The following ETV7 variants were observed in gnomAD, a reference collection of about 807,000 sequenced individuals.
The protein encoded by ETV7 is transcription factor ETV7.
ETV7 carries 43 observed loss-of-function variants against 39.1 expected under a neutral mutation model. The observed-to-expected ratio is 1.10, with a 90% CI of 0.86 to 1.42. The LOEUF is 1.42. Among genes scored for constraint, ETV7 ranks in the 40% most tolerant of loss-of-function variants. The pLI, the probability that ETV7 is intolerant of heterozygous loss-of-function variation, is 0.00. For synonymous variants in ETV7, 196 were observed against 176.6 expected (o/e 1.11, Z -0.87); for missense variants, 432 against 442.3 (o/e 0.98, Z 0.21).
chr6:36,370,231 G>A (rs1467861330), intron 5 of ETV7, among the ~76,000 whole-genome samples: 1 of 152,082 alleles, frequency 6.6e-6, no homozygotes, highest in Non-Finnish European at 1.5e-5. Context: ...GAAGAGCCAG[G>A]GTGGAAAAAA....
chr6:36,386,820 G>C (rs1385074340), intron 1 of ETV7: 1 of 152,646 alleles, frequency 6.6e-6, no homozygotes, highest in Non-Finnish European at 1.5e-5. Context: ...CTCCTGGTGG[G>C]GAAAGGGAAG....
At chr6:36,379,429 T>C (rs973367012) in intron 2 of ETV7, among the ~76,000 whole-genome samples, 10 of 151,766 alleles carry the variant, frequency 6.6e-5, no homozygotes, top group Non-Finnish European at 1.5e-4. Context: ...TGCATGCTTA[T>C]AGTCTCAGCT....
At position 36,366,690 on chromosome 6, in the gene ETV7, C is replaced by T; in HGVS notation, c.981G>A (p.Gln327=). The change falls in exon 8 of 8, where the codon CAG becomes CAA. Residue 327 remains glutamine, a synonymous_variant. Transcript: ENST00000340181. ...SHLEPLESQE[Q]DRIEFKDKRP... is the part of the protein sequence containing the mutation. ...TCTTGTCCTTGAACTCTATTCTGTCCTGCTCCTGGCTCTCCAGCGGCTCCA... is the reference window on the plus strand; with the variant it reads ...TCTTGTCCTTGAACTCTATTCTGTCTTGCTCCTGGCTCTCCAGCGGCTCCA... 6.2e-7 allele frequency: 1 copy of T among 1,614,164 alleles called. No individual in the cohort carries two copies. The highest frequency in any genetic ancestry group is 1.6e-4 in the Middle Eastern group (1 of 6,062).
At chr6:36,368,843 T>C in intron 6 of ETV7, 86 bp downstream of exon 6, 6 of 1,559,956 alleles carry the variant, frequency 3.8e-6, no homozygotes, top group Non-Finnish European at 5.3e-6. Context: ...AGCTGAGGAT[T>C]GTCCCATAGT....
chr6:36,386,376 A>G (rs1006516471), intron 1 of ETV7, among the ~76,000 whole-genome samples: 1 of 152,198 alleles, frequency 6.6e-6, no homozygotes, highest in Non-Finnish European at 1.5e-5. Context: ...GGATAAGGAT[A>G]CATTTCTGAA....
At chr6:36,362,257 G>A (rs543765987), downstream of ETV7, among the ~76,000 whole-genome samples, 1 of 151,686 alleles carries the variant, frequency 6.6e-6, no homozygotes, top group Non-Finnish European at 1.5e-5. Flanking sequence ...AGCCGAGATC[G>A]CGCCACTGCA....
intron 2 of ETV7, among the ~76,000 whole-genome samples, chr6:36,380,255 A>T (rs1344789743): frequency 6.6e-6 from 1 of 151,964 alleles, no homozygotes. Flanking sequence ...CCCCTTCCCA[A>T]TGTAAGGTGA....
In ETV7 at chr6:36,372,256, A is replaced by G. The variant is rs561049298; in HGVS notation, c.434-696T>C. Reference sequence around the variant, plus strand: ...GTAAGTGCAAAGGCCCTGGGGCAGGAGCATCTCAGACTTGTCCAGTGAACA... The same window carrying G: ...GTAAGTGCAAAGGCCCTGGGGCAGGGGCATCTCAGACTTGTCCAGTGAACA... On this transcript the variant is annotated intron_variant, in intron 4 of 7. Transcript: ENST00000340181. 1.4e-3 allele frequency among the ~76,000 whole-genome samples: 209 copies of G among 152,238 alleles called. 1 individual carries two copies. The highest frequency in any genetic ancestry group is 6.8e-3 in the Middle Eastern group (2 of 294).
rs1157706338 is a variant in ETV7 at position 36,373,428 on chromosome 6, C to T, written c.433+25G>A. On this transcript the variant is annotated intron_variant, in intron 4 of 7. Transcript: ENST00000340181. ...TGAGGCTGATTTGAGGGAGGTACTC[C>T]GAGCACCACAGAGAGCTTCCTCACC... 30 of 1,510,404 alleles carry T rather than the reference C, an allele frequency of 2.0e-5. No individual in the cohort carries two copies. In the East Asian group the frequency reaches 4.4e-4, roughly 22 times the overall value. The allele number at this position is 1,510,404 out of a possible 1,614,324, so 93.6% of individuals were successfully genotyped here. A position where few individuals can be genotyped will look rare whatever the true frequency, so the allele number is the denominator to read the frequency against.
At chr6:36,359,664 ATTTG>A (rs375117610) in intron 7 of ETV7, among the ~76,000 whole-genome samples, 6 of 152,086 alleles carry the variant, frequency 3.9e-5, no homozygotes, top group African/African-American at 1.2e-4. Context: ...TTCTGTATTG[ATTTG>A]TTTATTTATC....
chr6:36,373,500 A>G lies in ETV7; in HGVS notation c.386T>C (p.Ile129Thr), dbSNP rs1384186263. The G allele has an allele frequency of 3.2e-6, 5 of 1,572,228 alleles. No homozygotes were observed. Among genetic ancestry groups the G allele is most frequent in the Non-Finnish European group, 3.4e-6 (4 of 1,160,558 alleles). ...CTGGGTGGGCGTCTTCAGCCTGAAG[A>G]TCCCTCCAAAAAAGGGCCCACACAC... ...ALVCGPFFGG[I>T]FRLKTPTQHS... Residue 129 changes from isoleucine to threonine, a missense_variant, in exon 4 of 8, where the codon ATC becomes ACC. Transcript: ENST00000340181.
downstream of ETV7, among the ~76,000 whole-genome samples, chr6:36,366,025 T>C (rs756721896): frequency 6.6e-6 from 1 of 151,992 alleles, no homozygotes; most frequent in Admixed American, 6.6e-5. Context: ...AATACAAAAA[T>C]TAGCCGGGTG....
Position 36,366,616 on chromosome 6 carries a change from G to T in ETV7, c.*29C>A. ...GGGAGACTCGGTCCCTGCCCCATCG[G>T]TACCGGGTGCCTGGAGTCCACCTGC... On this transcript the variant is annotated 3_prime_UTR_variant, in exon 8 of 8. Transcript: ENST00000340181. The T allele has an allele frequency of 6.2e-7, 1 of 1,614,036 alleles. No individual in the cohort carries two copies. The highest frequency in any genetic ancestry group is 8.5e-7 in the Non-Finnish European group (1 of 1,179,970).
chr6:36,380,975 C>T (rs1343533372), intron 2 of ETV7, among the ~76,000 whole-genome samples: 1 of 152,016 alleles, frequency 6.6e-6, no homozygotes, highest in African/African-American at 2.4e-5. Context: ...AAGTCAAAAC[C>T]CCTCTGTCCT....
chr6:36,380,253 C>G (rs1194990433), intron 2 of ETV7, among the ~76,000 whole-genome samples: 2 of 152,196 alleles, frequency 1.3e-5, no homozygotes, highest in East Asian at 3.8e-4. Flanking sequence ...CTCCCCTTCC[C>G]AATGTAAGGT....
In ETV7 at chr6:36,366,569, G is replaced by T; in HGVS notation, c.*76C>A. ...TGGCTGGGGATCCTGCTGCTCTGCT[G>T]GGAGGAGGAGTCTGCCTTCATGGGA... On this transcript the variant is annotated 3_prime_UTR_variant, in exon 8 of 8. Coordinates refer to ENST00000340181, the MANE Select transcript of ETV7 (RefSeq NM_016135.4). The T allele has an allele frequency of 6.2e-7, 1 of 1,605,956 alleles. No individual in the cohort carries two copies. The highest frequency in any genetic ancestry group is 8.5e-7 in the Non-Finnish European group (1 of 1,175,480).
In ETV7 at chr6:36,371,503, T is replaced by C. The variant is rs1773024055; in HGVS notation, c.491A>G (p.Asp164Gly). Residue 164 changes from aspartate to glycine, a missense_variant, in exon 5 of 8, where the codon GAC becomes GGC. Asp to Gly is a moderately conservative substitution (Grantham distance 94). Transcript: ENST00000340181. ...GCCGAAGTTGCTGGTAAGCCCTGGGTCTGGTGGCTGCAGCAGGTGGCCCCT... is the reference window on the plus strand; with the variant it reads ...GCCGAAGTTGCTGGTAAGCCCTGGGCCTGGTGGCTGCAGCAGGTGGCCCCT... ...TRRGHLLQPP[D>G]PGLTSNFGHL... 1.7e-5 allele frequency: 27 copies of C among 1,606,838 alleles called. No individual in the cohort carries two copies. Among genetic ancestry groups the C allele is most frequent in the Non-Finnish European group, 2.2e-5 (26 of 1,176,966 alleles).
At chr6:36,382,764 A>G (rs746820680) in intron 2 of ETV7, among the ~76,000 whole-genome samples, 4 of 152,172 alleles carry the variant, frequency 2.6e-5, no homozygotes, top group Non-Finnish European at 4.4e-5. Context: ...GTCTCTTCCC[A>G]TGGCTTATTT....
At chr6:36,367,453 A>AAAGGAAGG (rs371253306) in intron 6 of ETV7, among the ~76,000 whole-genome samples, 1 of 151,348 alleles carries the variant, frequency 6.6e-6, no homozygotes, top group Admixed American at 6.6e-5. Context: ...AAAAAGAAAG[A>AAAGGAAGG]AAGGAAGGAA....
Sources: allele counts gnomAD v4.1 joint callset (sites outside exome capture counted in the v4.1 genomes callset), GRCh38; gene constraint gnomAD v4.1.1; transcripts MANE v1.5; gene names NCBI Gene and HGNC (gene_info 2026-07-23, HGNC 2026-07-21).